The following UNC5D variants were observed in gnomAD, a reference collection of about 807,000 sequenced individuals.
UNC5D encodes the protein netrin receptor UNC5D.
Under a neutral mutation model 105.4 loss-of-function variants are expected in UNC5D, and 39 were observed. The observed-to-expected ratio is 0.37, with a 90% confidence interval of 0.29 to 0.48. The LOEUF is 0.48. Ranked by LOEUF, UNC5D falls within the 20% of genes least tolerant of loss-of-function variation. The pLI is 0.98. For synonymous variants in UNC5D, 452 were observed against 450.4 expected, an observed-to-expected ratio of 1.00 and a Z score of -0.04; for missense variants, 991 against 1,202.4, an observed-to-expected ratio of 0.82 and a Z score of 2.60.
At chr8:35,731,182 T>A (rs1176671964) in intron 11 of UNC5D, 86 bp downstream of exon 11, 1 of 1,320,988 alleles carries the variant, frequency 7.6e-7, no homozygotes, top group Non-Finnish European at 1.1e-6. Flanking sequence ...GCAGATCACT[T>A]GAGGTCAGGA....
intron 12 of UNC5D, among the ~76,000 whole-genome samples, chr8:35,749,258 A>C (rs1358485078): frequency 6.6e-6 from 1 of 152,192 alleles, no homozygotes; most frequent in Non-Finnish European, 1.5e-5. Context: ...AGACAAGGAA[A>C]GAGAATGAGG....
chr8:35,429,347 T>G (rs527793457), intron 1 of UNC5D, among the ~76,000 whole-genome samples: 6 of 152,204 alleles, frequency 3.9e-5, no homozygotes, highest in African/African-American at 1.4e-4. Flanking sequence ...AACCTGTTTT[T>G]TTTTCTTTTT....
intron 1 of UNC5D, among the ~76,000 whole-genome samples, chr8:35,297,707 C>A (rs2980396): frequency 4.0e-5 from 6 of 151,878 alleles, no homozygotes; most frequent in African/African-American, 1.2e-4. Context: ...TTGCTGCCTC[C>A]GGATTTAATA....
At chr8:35,711,689 A>C (rs1159789092) in intron 8 of UNC5D, among the ~76,000 whole-genome samples, 1 of 152,062 alleles carries the variant, frequency 6.6e-6, no homozygotes, top group Non-Finnish European at 1.5e-5. Context: ...TCAGTTTTCA[A>C]CTTAGATTTC....
chr8:35,345,709 GAT>G (rs776370171), intron 1 of UNC5D, among the ~76,000 whole-genome samples: 3 of 151,896 alleles, frequency 2.0e-5, no homozygotes, highest in Non-Finnish European at 4.4e-5. Flanking sequence ...AAATTTAGAG[GAT>G]ATGAAACACA....
intron 4 of UNC5D, among the ~76,000 whole-genome samples, chr8:35,599,176 G>A (rs1819678689): frequency 7.1e-6 from 1 of 140,510 alleles, no homozygotes; most frequent in Non-Finnish European, 1.5e-5. Context: ...AAAAGCTGAA[G>A]TCACAGAACT....
chr8:35,697,263 T>C (rs1488629921), intron 7 of UNC5D, among the ~76,000 whole-genome samples: 1 of 151,518 alleles, frequency 6.6e-6, no homozygotes, highest in Non-Finnish European at 1.5e-5. Context: ...TGCACACACA[T>C]ATTAAACATA....
chr8:35,623,953 G>A (rs1208691120), intron 4 of UNC5D, among the ~76,000 whole-genome samples: 1 of 152,026 alleles, frequency 6.6e-6, no homozygotes, highest in Non-Finnish European at 1.5e-5. Flanking sequence ...GGTGGTGGGC[G>A]CCTGTAGTCC....
At chr8:35,252,674 G>T (rs905796323) in intron 1 of UNC5D, among the ~76,000 whole-genome samples, 1 of 152,074 alleles carries the variant, frequency 6.6e-6, no homozygotes, top group African/African-American at 2.4e-5. Flanking sequence ...AGTAAAATTT[G>T]GGTGATTATC....
chr8:35,484,481 C>G (rs1416219266), intron 1 of UNC5D, among the ~76,000 whole-genome samples: 2 of 152,140 alleles, frequency 1.3e-5, no homozygotes, highest in African/African-American at 4.8e-5. Context: ...TCCCACATGG[C>G]ACCACTGAAG....
rs1000158979 is a variant in UNC5D, at chr8:35,690,370, T to C, written c.1084+3661T>C. Among the ~76,000 whole-genome samples, 4 of 152,200 alleles carry C rather than the reference T, an allele frequency of 2.6e-5. No homozygotes were observed. In the South Asian group the frequency reaches 8.3e-4, roughly 32 times the overall value. Reference sequence around the variant, plus strand: ...AACACCAGACATGGTGGCTCATACCTGTAATCCCAACACTTTGGGAGGCCA... The same window carrying C: ...AACACCAGACATGGTGGCTCATACCCGTAATCCCAACACTTTGGGAGGCCA... On this transcript the variant is annotated intron_variant, in intron 7 of 16. Transcript: ENST00000404895.
intron 3 of UNC5D, among the ~76,000 whole-genome samples, chr8:35,583,425 TTC>T (rs1299521722): frequency 1.3e-5 from 2 of 152,104 alleles, no homozygotes; most frequent in Non-Finnish European, 2.9e-5. Flanking sequence ...AGCATAGTCT[TTC>T]CATATCCTGC....
At chr8:35,269,444 C>T (rs973010580) in intron 1 of UNC5D, among the ~76,000 whole-genome samples, 2 of 152,190 alleles carry the variant, frequency 1.3e-5, no homozygotes, top group Non-Finnish European at 2.9e-5. Flanking sequence ...ATGCTGCCCT[C>T]CTTGACTTAC....
intron 3 of UNC5D, among the ~76,000 whole-genome samples, chr8:35,591,838 A>C (rs2130885964): frequency 6.6e-6 from 1 of 152,292 alleles, no homozygotes; most frequent in Non-Finnish European, 1.5e-5. Context: ...AGTCACCATA[A>C]GCACACTAGT....
intron 1 of UNC5D, among the ~76,000 whole-genome samples, chr8:35,477,540 A>G (rs1342872691): frequency 6.6e-6 from 1 of 152,128 alleles, no homozygotes; most frequent in East Asian, 1.9e-4. Context: ...TTATTCTTGA[A>G]TTAGTATGTG....
chr8:35,452,687 C>T (rs201818654), intron 1 of UNC5D, among the ~76,000 whole-genome samples: 1 of 152,092 alleles, frequency 6.6e-6, no homozygotes, highest in East Asian at 1.9e-4. Flanking sequence ...TGATTTAAAG[C>T]ACGAAAACAG....
At chr8:35,274,111 T>C (rs1805607991) in intron 1 of UNC5D, among the ~76,000 whole-genome samples, 1 of 152,138 alleles carries the variant, frequency 6.6e-6, no homozygotes, top group African/African-American at 2.4e-5. Context: ...TCTCAAATCT[T>C]GTCTTTGTAA....
intron 1 of UNC5D, among the ~76,000 whole-genome samples, chr8:35,276,184 T>G (rs1038076113): frequency 6.6e-5 from 10 of 152,348 alleles, no homozygotes; most frequent in Admixed American, 5.9e-4. Flanking sequence ...TACACTGATT[T>G]GTCCCATAAT....
chr8:35,253,473 C>CTTTT lies in UNC5D; in HGVS notation c.103+17604_103+17607dup, dbSNP rs58063448. ...GAGTTTGGAGTAGAGATTTTATTTC[C>CTTTT]TTTTTTTTTTTTTTTTTTTTTCTTT... On this transcript the variant is annotated intron_variant, in intron 1 of 16. Coordinates refer to ENST00000404895, the MANE Select transcript of UNC5D (RefSeq NM_080872.4). Among the ~76,000 whole-genome samples the CTTTT allele has an allele frequency of 4.4e-4, 44 of 99,848 alleles. 1 individual carries two copies. The highest frequency in any genetic ancestry group is 6.9e-4 in the African/African-American group (18 of 26,066). The allele number at this position is 99,848 out of a possible 152,430, so 65.5% of individuals were successfully genotyped here.
Sources: gnomAD v4.1 joint callset for allele counts (sites outside exome capture counted in the v4.1 genomes callset) on GRCh38, gnomAD v4.1.1 for gene constraint, MANE v1.5 for transcripts, NCBI Gene and HGNC (gene_info 2026-07-23, HGNC 2026-07-21) for gene names.